Variants in MTA3 observed in about 807,000 individuals in gnomAD.
MTA3 encodes the protein metastasis-associated protein MTA3.
A neutral mutation model predicts 83.5 loss-of-function variants in MTA3; 34 were observed. The observed-to-expected ratio is 0.41, with a 90% CI of 0.31 to 0.54. The LOEUF is 0.54. Among genes scored for constraint, MTA3 ranks in the 20% least tolerant of loss-of-function variants. The probability of loss-of-function intolerance (pLI) is 0.33; values close to 1 mark genes in which losing one functional copy is unlikely to be tolerated. For missense variants in MTA3, 761 were observed against 726.4 expected (o/e 1.05, Z -0.55); for synonymous variants, 303 against 252.7 (o/e 1.20, Z -1.89).
intron 2 of MTA3, among the ~76,000 whole-genome samples, chr2:42,573,982 C>CTATTTATTTATT (rs112041996): frequency 2.0e-5 from 3 of 150,808 alleles, no homozygotes; most frequent in African/African-American, 7.4e-5. Flanking sequence ...CTACGCCTGG[C>CTATTTATTTATT]TATTTATTTA....
chr2:42,520,713 G>A (rs1036832324), intron 2 of MTA3, among the ~76,000 whole-genome samples: 7 of 151,912 alleles, frequency 4.6e-5, no homozygotes, highest in African/African-American at 1.7e-4. Flanking sequence ...CTACAGGTGT[G>A]CACCACCACA....
intron 7 of MTA3, among the ~76,000 whole-genome samples, chr2:42,658,312 A>G (rs1226105729): frequency 6.6e-6 from 1 of 152,110 alleles, no homozygotes; most frequent in Non-Finnish European, 1.5e-5. Flanking sequence ...TCACTCCTAA[A>G]TATCTATGCA....
chr2:42,554,573 G>A (rs780915379), intron 2 of MTA3, among the ~76,000 whole-genome samples: 4 of 152,122 alleles, frequency 2.6e-5, no homozygotes, highest in Admixed American at 6.6e-5. Flanking sequence ...AGTGACTGCT[G>A]TTGAGATGCA....
intron 4 of MTA3, among the ~76,000 whole-genome samples, chr2:42,634,453 C>T (rs1337937950): frequency 1.3e-5 from 2 of 152,080 alleles, no homozygotes; most frequent in Non-Finnish European, 2.9e-5. Context: ...TACTTGGCAG[C>T]AGGCGAGAGA....
At chr2:42,615,152 A>T (rs905383688) in intron 4 of MTA3, among the ~76,000 whole-genome samples, 5 of 151,952 alleles carry the variant, frequency 3.3e-5, no homozygotes, top group South Asian at 4.2e-4. Context: ...TTAGCTGGTC[A>T]TGGTGGCACG....
chr2:42,502,150 G>T (rs905525407), intron 2 of MTA3, among the ~76,000 whole-genome samples: 1 of 150,880 alleles, frequency 6.6e-6, no homozygotes, highest in South Asian at 2.1e-4. Context: ...CAAAGTGGGG[G>T]TGTTGGGGGT....
chr2:42,548,802 C>CAAAAA (rs1362657510), intron 2 of MTA3, among the ~76,000 whole-genome samples: 7 of 42,952 alleles, frequency 1.6e-4, no homozygotes, highest in African/African-American at 1.0e-3. Flanking sequence ...GACCCTGTCT[C>CAAAAA]AAAAAAAAAT....
chr2:42,569,624 A>G (rs896579410), intron 1 of MTA3: 2 of 152,170 alleles, frequency 1.3e-5, no homozygotes, highest in African/African-American at 2.4e-5. Flanking sequence ...AGAGCGGCGA[A>G]AGAGCCACTA....
intron 12 of MTA3, 48 bp downstream of exon 12, chr2:42,704,366 T>C (rs1665880597): frequency 1.2e-6 from 2 of 1,608,496 alleles, no homozygotes; most frequent in Admixed American, 1.7e-5. Flanking sequence ...CTGTTCTGGC[T>C]CATGGGGTGT....
chr2:42,569,603 CTTT>C (rs1678241935), intron 1 of MTA3: 1 of 152,146 alleles, frequency 6.6e-6, no homozygotes, highest in Admixed American at 6.6e-5. Flanking sequence ...AATGAGGCCA[CTTT>C]GCAGAAGAGA....
chr2:42,605,874 T>C (rs1352089080), intron 3 of MTA3, among the ~76,000 whole-genome samples: 91 of 77,524 alleles, frequency 1.2e-3, no homozygotes, highest in East Asian at 1.4e-3. Flanking sequence ...GACGGGGCGG[T>C]TGGCCGGGCA....
At chr2:42,648,506 A>G (rs1393634486) in intron 6 of MTA3, among the ~76,000 whole-genome samples, 7 of 152,224 alleles carry the variant, frequency 4.6e-5, no homozygotes, top group African/African-American at 1.4e-4. Context: ...CTTTGTGAAC[A>G]TGTCTTGATG....
chr2:42,675,808 T>C (rs1425013225), intron 8 of MTA3, among the ~76,000 whole-genome samples: 2 of 152,238 alleles, frequency 1.3e-5, no homozygotes, highest in African/African-American at 2.4e-5. Context: ...TCTTCTGTTA[T>C]AGAAACTGTA....
chr2:42,596,901 C>A (rs1413679415), intron 3 of MTA3, among the ~76,000 whole-genome samples: 1 of 151,768 alleles, frequency 6.6e-6, no homozygotes, highest in Non-Finnish European at 1.5e-5. Context: ...TAAAATTTTC[C>A]ACAAGTTATC....
At chr2:42,525,419 T>C (rs1024232775) in intron 2 of MTA3, among the ~76,000 whole-genome samples, 1 of 151,142 alleles carries the variant, frequency 6.6e-6, no homozygotes, top group African/African-American at 2.4e-5. Context: ...AGGTTGGTCT[T>C]GCACTCCTGA....
intron 11 of MTA3, among the ~76,000 whole-genome samples, chr2:42,698,187 G>A (rs867601611): frequency 6.6e-6 from 1 of 152,160 alleles, no homozygotes; most frequent in Non-Finnish European, 1.5e-5. Context: ...AATGCATACT[G>A]CTCTTTGGAG....
chr2:42,536,783 C>A (rs1337625762), intron 2 of MTA3, among the ~76,000 whole-genome samples: 2 of 140,630 alleles, frequency 1.4e-5, no homozygotes, highest in Non-Finnish European at 3.0e-5. Context: ...GGCGTGAACC[C>A]GGGAGGCAGA....
intron 2 of MTA3, among the ~76,000 whole-genome samples, chr2:42,525,166 T>C (rs543628139): frequency 6.6e-6 from 1 of 150,386 alleles, no homozygotes; most frequent in East Asian, 2.0e-4. Flanking sequence ...AAGTTTGTTT[T>C]TCAGCACTTC....
At chr2:42,506,826 C>T (rs1196193574) in intron 2 of MTA3, among the ~76,000 whole-genome samples, 1 of 151,924 alleles carries the variant, frequency 6.6e-6, no homozygotes, top group Non-Finnish European at 1.5e-5. Context: ...AGGCTGGTCT[C>T]AAACTCCTGA....
Sources: allele counts gnomAD v4.1 joint callset (sites outside exome capture counted in the v4.1 genomes callset), GRCh38; gene constraint gnomAD v4.1.1; transcripts MANE v1.5; gene names NCBI Gene and HGNC (gene_info 2026-07-23, HGNC 2026-07-21).